Variants in AFTPH observed in about 807,000 individuals in gnomAD.
The protein encoded by AFTPH is aftiphilin, also known as aftiphilin protein.
Under a neutral mutation model 72.5 loss-of-function variants are expected in AFTPH, and 7 were observed. That is an observed-to-expected ratio of 0.10 (90% confidence interval 0.05 to 0.18). AFTPH has a LOEUF of 0.18. AFTPH is among the 10% of genes least tolerant of loss of function. The probability of loss-of-function intolerance (pLI) is 1.00; values close to 1 mark genes in which losing one functional copy is unlikely to be tolerated. For synonymous variants in AFTPH, 337 were observed against 370.1 expected, an observed-to-expected ratio of 0.91 and a Z score of 1.03; for missense variants, 979 against 1,060.5, an observed-to-expected ratio of 0.92 and a Z score of 1.07.
chr2:64,565,610 C>G lies in AFTPH; in HGVS notation c.1936-1952C>G, dbSNP rs76758248. ...TTACTGCTCTACCTCAAGGGGCAAA[C>G]CATGACCCACAGGACAAATCTACTG... On this transcript the variant is annotated intron_variant, in intron 2 of 8. Coordinates refer to ENST00000238856, the Ensembl canonical transcript of AFTPH. 2.0e-3 allele frequency among the ~76,000 whole-genome samples: 305 copies of G among 152,140 alleles called. 1 individual carries two copies. Among genetic ancestry groups the G allele is most frequent in the African/African-American group, 7.1e-3 (296 of 41,514 alleles).
chr2:64,591,849 T>G (rs1170248291), intron 8 of AFTPH, 39 bp from the exon 10 acceptor site: 4 of 1,604,960 alleles, frequency 2.5e-6, no homozygotes, highest in Non-Finnish European at 3.4e-6. Context: ...TACAGCAAAG[T>G]CACATTAACA....
At chr2:64,580,498 T>C (rs902511482) in intron 7 of AFTPH, 6 of 152,620 alleles carry the variant, frequency 3.9e-5, no homozygotes, top group African/African-American at 1.2e-4. Flanking sequence ...TGAATTAATA[T>C]AGTGCTGAAG....
chr2:64,536,259 C>T (rs1669878551), intron 1 of AFTPH, among the ~76,000 whole-genome samples: 1 of 152,084 alleles, frequency 6.6e-6, no homozygotes, highest in South Asian at 2.1e-4. Context: ...GATGAGATTT[C>T]TCAGTGATAA....
At chr2:64,583,331 G>T (rs1050296419) in intron 7 of AFTPH, among the ~76,000 whole-genome samples, 3 of 126,804 alleles carry the variant, frequency 2.4e-5, no homozygotes. Context: ...AAAAAAAAAA[G>T]ACCTTCCATT....
intron 1 of AFTPH, among the ~76,000 whole-genome samples, chr2:64,535,266 A>G (rs1259058732): frequency 1.3e-5 from 2 of 152,204 alleles, no homozygotes; most frequent in African/African-American, 2.4e-5. Context: ...AAGGTTTTCA[A>G]CCTTAACTAA....
chr2:64,573,500 G>A, intron 6 of AFTPH, among the ~76,000 whole-genome samples: 1 of 151,536 alleles, frequency 6.6e-6, no homozygotes, highest in East Asian at 1.9e-4. Flanking sequence ...GTCTGCTATT[G>A]TATGTGTATT....
chr2:64,576,074 T>TAC (rs55774717), intron 6 of AFTPH, among the ~76,000 whole-genome samples: 9,447 of 127,544 alleles, frequency 0.074, 434 homozygotes, highest in Admixed American at 0.1. Flanking sequence ...TTTGGCATGC[T>TAC]ACACACACAC....
chr2:64,587,100 C>T (rs1445946672), intron 8 of AFTPH, among the ~76,000 whole-genome samples: 1 of 152,198 alleles, frequency 6.6e-6, no homozygotes, highest in African/African-American at 2.4e-5. Context: ...TTAACTTGTT[C>T]TCCTAATTCG....
intron 1 of AFTPH, among the ~76,000 whole-genome samples, chr2:64,542,185 A>G (rs1670293363): frequency 6.6e-6 from 1 of 152,162 alleles, no homozygotes; most frequent in African/African-American, 2.4e-5. Context: ...GTCTGGAAAG[A>G]ACTCTCGATG....
At chr2:64,563,880 A>G (rs72888902) in intron 2 of AFTPH, among the ~76,000 whole-genome samples, 15,366 of 152,236 alleles carry the variant, frequency 0.1, 2,137 homozygotes, top group African/African-American at 0.3. Context: ...TGCTGGAATT[A>G]CAGGCATGAG....
At chr2:64,550,728 C>CACACAA (rs1558605092) in intron 1 of AFTPH, among the ~76,000 whole-genome samples, 3 of 141,888 alleles carry the variant, frequency 2.1e-5, no homozygotes, top group South Asian at 2.2e-4. Flanking sequence ...CACACACACA[C>CACACAA]ACAACTGGTG....
chr2:64,566,512 G>C (rs1672100124), intron 2 of AFTPH, among the ~76,000 whole-genome samples: 1 of 152,078 alleles, frequency 6.6e-6, no homozygotes, highest in Non-Finnish European at 1.5e-5. Flanking sequence ...GTACCACCAT[G>C]ATGTGGCATT....
intron 8 of AFTPH, 97 bp from the exon 10 acceptor site, chr2:64,591,791 C>T: frequency 3.0e-6 from 4 of 1,336,868 alleles, no homozygotes; most frequent in African/African-American, 1.5e-5. Flanking sequence ...CAAGTCCCCA[C>T]AGATTGCTAA....
intron 3 of AFTPH, among the ~76,000 whole-genome samples, 179 bp downstream of exon 3, chr2:64,567,892 A>T (rs1672180336): frequency 7.6e-6 from 1 of 131,192 alleles, no homozygotes; most frequent in Non-Finnish European, 1.7e-5. Flanking sequence ...AATACAGAAA[A>T]TTAGCAGGGT....
chr2:64,589,225 G>A (rs1673680961), intron 8 of AFTPH, among the ~76,000 whole-genome samples: 1 of 152,064 alleles, frequency 6.6e-6, no homozygotes, highest in Admixed American at 6.6e-5. Context: ...TTCTGTATAT[G>A]GTATGAGGTA....
At chr2:64,591,772 A>G (rs1422364551) in intron 8 of AFTPH, 116 bp from the exon 10 acceptor site, 1 of 1,152,142 alleles carries the variant, frequency 8.7e-7, no homozygotes, top group African/African-American at 1.5e-5. Flanking sequence ...TAGCAGAGGA[A>G]AAAATACTCA....
At chr2:64,582,651 G>T (rs1257515615) in intron 7 of AFTPH, among the ~76,000 whole-genome samples, 1 of 151,946 alleles carries the variant, frequency 6.6e-6, no homozygotes, top group East Asian at 1.9e-4. Flanking sequence ...CCAAAAACAT[G>T]TATATCTTTT....
At chr2:64,570,540 C>T (rs971534285) in intron 5 of AFTPH, among the ~76,000 whole-genome samples, 38 of 152,050 alleles carry the variant, frequency 2.5e-4, no homozygotes, top group African/African-American at 8.2e-4. Flanking sequence ...TTTTTAAAAT[C>T]TGTTTACTCC....
rs201407107 is a variant in AFTPH, at chr2:64,552,636, A to G, written c.1162A>G (p.Arg388Gly). The G allele has an allele frequency of 2.8e-4, 454 of 1,614,212 alleles. No homozygotes were observed. The highest frequency in any genetic ancestry group is 4.9e-4 in the Middle Eastern group (3 of 6,062). ...AGTTGGTTCTCCCAAAGAAGAAAGT[A>G]GAAAGTTTACTAATTTCCAAAGCCC... The change falls in exon 2 of 9, where the codon AGA (arginine) becomes GGA (glycine). Residue 388 changes from arginine to glycine, a missense_variant. By Grantham distance (125) the Arg-to-Gly change is moderately radical (BLOSUM62 -2). Coordinates refer to ENST00000238856, the Ensembl canonical transcript of AFTPH.
Sources: allele counts gnomAD v4.1 joint callset (sites outside exome capture counted in the v4.1 genomes callset), GRCh38; gene constraint gnomAD v4.1.1; transcripts MANE v1.5; gene names NCBI Gene and HGNC (gene_info 2026-07-23, HGNC 2026-07-21).